Variants in EEF2K observed in about 807,000 individuals in gnomAD.
EEF2K encodes alternative protein EEF2K.
A neutral mutation model predicts 93.8 loss-of-function variants in EEF2K; 70 were observed. The ratio of observed to expected loss-of-function variants is 0.75; its 90% CI spans 0.62 to 0.91. The LOEUF (loss-of-function observed/expected upper bound fraction) is 0.91, where lower values mean the gene tolerates loss of function less well. Among genes scored for constraint, EEF2K ranks in the 40% least tolerant of loss-of-function variants. The pLI is 0.00. For missense variants in EEF2K, 935 were observed against 972.9 expected, an observed-to-expected ratio of 0.96 and a Z score of 0.52; for synonymous variants, 376 against 380.8, an observed-to-expected ratio of 0.99 and a Z score of 0.15.
chr16:22,210,836 G>C (rs541208578), intron 1 of EEF2K, among the ~76,000 whole-genome samples: 1 of 152,104 alleles, frequency 6.6e-6, no homozygotes, highest in Non-Finnish European at 1.5e-5. Flanking sequence ...TTCAGAGCCC[G>C]AGGAGGAAGG....
At chr16:22,215,267 T>G (rs2046948027) in intron 1 of EEF2K, among the ~76,000 whole-genome samples, 1 of 152,120 alleles carries the variant, frequency 6.6e-6, no homozygotes, top group African/African-American at 2.4e-5. Flanking sequence ...GGGTTTTCCT[T>G]TTGATTTAGT....
rs370030748 is a variant in EEF2K at position 22,280,365 on chromosome 16, C to T, written c.2057C>T (p.Pro686Leu). Reference sequence around the variant, plus strand: ...GGAGGCTACGGGCTGGAGAAGGACCCGCAGAGATCAGGTAGGGCCTGGCAG... The same window carrying T: ...GGAGGCTACGGGCTGGAGAAGGACCTGCAGAGATCAGGTAGGGCCTGGCAG... ...FTGGYGLEKD[P>L]QRSGDLYTQA... The change falls in exon 17 of 18, where the codon CCG (proline) becomes CTG (leucine). Residue 686 changes from proline (P) to leucine (L), a missense_variant. By Grantham distance (98) the Pro-to-Leu change is moderately conservative (BLOSUM62 -3). Coordinates refer to ENST00000263026, the MANE Select transcript of EEF2K (RefSeq NM_013302.5). 57 of 1,571,172 alleles carry T rather than the reference C, an allele frequency of 3.6e-5. No individual in the cohort carries two copies. Among genetic ancestry groups the T allele is most frequent in the Non-Finnish European group, 4.5e-5 (52 of 1,158,004 alleles).
chr16:22,260,176 C>G (rs1192325203), intron 10 of EEF2K, among the ~76,000 whole-genome samples: 1 of 152,164 alleles, frequency 6.6e-6, no homozygotes, highest in East Asian at 1.9e-4. Flanking sequence ...TGCTAATAAA[C>G]ACATTACAAG....
At chr16:22,265,566 C>T (rs2047508572) in intron 13 of EEF2K, among the ~76,000 whole-genome samples, 1 of 152,184 alleles carries the variant, frequency 6.6e-6, no homozygotes, top group Non-Finnish European at 1.5e-5. Context: ...GATTATTTAC[C>T]CTGTGGTATT....
intron 15 of EEF2K, among the ~76,000 whole-genome samples, chr16:22,268,290 T>C (rs896356051): frequency 6.6e-6 from 1 of 152,060 alleles, no homozygotes; most frequent in Non-Finnish European, 1.5e-5. Context: ...GCAATTCTCC[T>C]GCCTCAGACT....
At chr16:22,281,141 G>T (rs1598210785) in intron 17 of EEF2K, among the ~76,000 whole-genome samples, 2 of 151,902 alleles carry the variant, frequency 1.3e-5, no homozygotes. Context: ...TGGCCAGACT[G>T]GTCTTGAACT....
At chr16:22,244,301 GTGTGTGTGTA>G (rs1006016125) in intron 2 of EEF2K, among the ~76,000 whole-genome samples, 13 of 148,880 alleles carry the variant, frequency 8.7e-5, no homozygotes, top group African/African-American at 3.3e-4. Context: ...GTGTGTGTGT[GTGTGTGTGTA>G]TATCCTATAT....
chr16:22,260,247 T>G (rs1420422066), intron 10 of EEF2K, among the ~76,000 whole-genome samples: 1 of 152,152 alleles, frequency 6.6e-6, no homozygotes, highest in Non-Finnish European at 1.5e-5. Flanking sequence ...GCCAGAATCA[T>G]GTAGCTGGCA....
At chr16:22,251,807 T>C (rs370293509) in intron 6 of EEF2K, among the ~76,000 whole-genome samples, 32 of 152,110 alleles carry the variant, frequency 2.1e-4, no homozygotes, top group African/African-American at 7.2e-4. Context: ...ATTTTTATTT[T>C]TTTTGAGACA....
Position 22,284,109 on chromosome 16 carries a change from G to A in EEF2K, c.*113G>A. ...GAGGGGAAGCATTTTTAAGTGTGTT[G>A]TAAAATCAAATTTTATATTTCATTT... On this transcript the variant is annotated 3_prime_UTR_variant, in exon 18 of 18. Transcript: ENST00000263026. 1.0e-6 allele frequency: 1 copy of A among 961,336 alleles called. No homozygotes were observed. The highest frequency in any genetic ancestry group is 2.6e-5 in the East Asian group (1 of 37,826). 59.6% of individuals were successfully genotyped at this position (961,336 alleles called of 1,614,324 possible).
At chr16:22,273,516 A>T in intron 15 of EEF2K, 110 bp from the exon 16 acceptor site, 1 of 1,503,940 alleles carries the variant, frequency 6.6e-7, no homozygotes, top group Non-Finnish European at 8.9e-7. Context: ...ATAGCCTCCC[A>T]ACCCGGAGCT....
rs1232101169 is a variant in EEF2K, at chr16:22,273,716, G to C, written c.1855G>C (p.Ala619Pro). The change falls in exon 16 of 18, where the codon GCT (alanine) becomes CCT (proline). Residue 619 changes from alanine to proline, a missense_variant. Ala to Pro is a conservative substitution (Grantham distance 27, BLOSUM62 -1). Coordinates refer to ENST00000263026, the MANE Select transcript of EEF2K (RefSeq NM_013302.5). Reference sequence around the variant, plus strand: ...GCAGTCCATGATCCTAGTGGCGCGAGCTTTTGACTCTGGCCAGAACCTCAG... The same window carrying C: ...GCAGTCCATGATCCTAGTGGCGCGACCTTTTGACTCTGGCCAGAACCTCAG... ...DRQSMILVAR[A>P]FDSGQNLSPD... 3.1e-6 allele frequency: 5 copies of C among 1,614,068 alleles called. No homozygotes were observed. The highest frequency in any genetic ancestry group is 4.2e-6 in the Non-Finnish European group (5 of 1,179,976).
chr16:22,242,688 A>C (rs926610609), intron 2 of EEF2K, among the ~76,000 whole-genome samples: 2 of 152,040 alleles, frequency 1.3e-5, no homozygotes, highest in African/African-American at 4.8e-5. Context: ...CTGCTGGCAT[A>C]GAGTTAGGGA....
At chr16:22,235,632 G>A (rs973484608) in intron 2 of EEF2K, among the ~76,000 whole-genome samples, 1 of 152,028 alleles carries the variant, frequency 6.6e-6, no homozygotes, top group Non-Finnish European at 1.5e-5. Flanking sequence ...CAAGTAGCTG[G>A]GATTACAGGC....
intron 6 of EEF2K, among the ~76,000 whole-genome samples, chr16:22,255,188 A>G (rs1416032947): frequency 6.6e-6 from 1 of 152,216 alleles, no homozygotes; most frequent in Admixed American, 6.5e-5. Flanking sequence ...AGAGAGGTGA[A>G]ATTCAGAAAT....
Position 22,266,394 on chromosome 16 carries a change from G to A in EEF2K, c.1445G>A (p.Cys482Tyr). Residue 482 changes from cysteine (C) to tyrosine (Y), a missense_variant, in exon 14 of 18, where the codon TGT becomes TAT. Cys to Tyr is a radical substitution (Grantham distance 194, BLOSUM62 -2). Transcript: ENST00000263026. Reference sequence around the variant, plus strand: ...TGGCCGGTTCTTTCCCTTCAGGTATGTGTAGAGAAGTGGAATCTCCTCAAC... The same window carrying A: ...TGGCCGGTTCTTTCCCTTCAGGTATATGTAGAGAAGTGGAATCTCCTCAAC... The part of the protein sequence containing the change: ...EDSLGSSGRV[C>Y]VEKWNLLNSS... The A allele has an allele frequency of 6.2e-7, 1 of 1,614,050 alleles. No homozygotes were observed.
In EEF2K at chr16:22,255,362, C is replaced by T. The variant is rs1299570450; in HGVS notation, c.619-1386C>T. ...TTGTTTGTGCCTCATCTCCTTGAAG[C>T]CATCTAGAGAACTCGTTCCTTTGGT... On this transcript the variant is annotated intron_variant, in intron 6 of 17. Coordinates refer to ENST00000263026, the MANE Select transcript of EEF2K (RefSeq NM_013302.5). 2.6e-5 allele frequency among the ~76,000 whole-genome samples: 4 copies of T among 152,190 alleles called. No homozygotes were observed. The South Asian group carries it at 8.3e-4, about 31-fold the overall frequency.
At chr16:22,263,897 C>T (rs1421282683) in intron 12 of EEF2K, among the ~76,000 whole-genome samples, 2 of 152,172 alleles carry the variant, frequency 1.3e-5, no homozygotes, top group African/African-American at 2.4e-5. Flanking sequence ...CAACCTCAGA[C>T]AGTATCTGCC....
intron 16 of EEF2K, among the ~76,000 whole-genome samples, chr16:22,274,615 A>G (rs1185291783): frequency 6.6e-6 from 1 of 151,910 alleles, no homozygotes; most frequent in African/African-American, 2.4e-5. Context: ...CCTACTTATT[A>G]TTATATTTTA....
Sources: gnomAD v4.1 joint callset for allele counts (sites outside exome capture counted in the v4.1 genomes callset) on GRCh38, gnomAD v4.1.1 for gene constraint, MANE v1.5 for transcripts, NCBI Gene and HGNC (gene_info 2026-07-23, HGNC 2026-07-21) for gene names.